The following ACKR3 variants were observed in gnomAD, a reference collection of about 807,000 sequenced individuals.
ACKR3 encodes the protein atypical chemokine receptor 3.
Under a neutral mutation model 22.4 loss-of-function variants are expected in ACKR3, and 6 were observed. The observed-to-expected ratio is 0.27, with a 90% confidence interval of 0.15 to 0.53. The LOEUF is 0.53. Among genes scored for constraint, ACKR3 ranks in the 20% least tolerant of loss-of-function variants. The pLI, the probability that ACKR3 is intolerant of heterozygous loss-of-function variation, is 0.96. For synonymous variants in ACKR3, 209 were observed against 205.2 expected (o/e 1.02, Z -0.16); for missense variants, 396 against 475.2 (o/e 0.83, Z 1.55).
At chr2:236,554,780 T>A in the ACKR3 span, among the ~76,000 whole-genome samples, 1 of 152,228 alleles carries the variant, frequency 6.6e-6, no homozygotes, top group African/African-American at 2.4e-5. Context: ...AACAAAACCC[T>A]TCCTCCTGCT....
the ACKR3 span, among the ~76,000 whole-genome samples, chr2:236,559,481 C>A: frequency 0.12 from 18,260 of 152,164 alleles, 2,779 homozygotes; most frequent in African/African-American, 0.35. Context: ...GGTACATAGC[C>A]TTTCTTCCAT....
Position 236,581,758 on chromosome 2 carries a change from C to G in ACKR3, c.*204C>G. The G allele has an allele frequency of 1.6e-6, 1 of 642,456 alleles. No individual in the cohort carries two copies. The highest frequency in any genetic ancestry group is 2.6e-6 in the Non-Finnish European group (1 of 382,908). The allele number at this position is 642,456 out of a possible 1,614,324, so 39.8% of individuals were successfully genotyped here. ...GCTGTGCGTGCTGACAGTTTTGCAACAGGCAGAGCTGTGTCGCACAGCAGT... is the reference window on the plus strand; with the variant it reads ...GCTGTGCGTGCTGACAGTTTTGCAAGAGGCAGAGCTGTGTCGCACAGCAGT... On this transcript the variant is annotated 3_prime_UTR_variant, in exon 2 of 2. Coordinates refer to ENST00000272928, the MANE Select transcript of ACKR3 (RefSeq NM_020311.3). This position sits in a 1 kb window ranked among gnomAD's most constrained non-coding sequence, Gnocchi z 4.4.
At chr2:236,571,083 G>C (rs1189690911) in intron 1 of ACKR3, among the ~76,000 whole-genome samples, 2 of 152,162 alleles carry the variant, frequency 1.3e-5, no homozygotes, top group African/African-American at 4.8e-5. Flanking sequence ...CATCAGCTAG[G>C]CACGCCTAGC....
At chr2:236,563,966 C>G (rs1423267724), upstream of ACKR3, among the ~76,000 whole-genome samples, 1 of 152,216 alleles carries the variant, frequency 6.6e-6, no homozygotes, top group African/African-American at 2.4e-5. Context: ...GCCCCTGTGA[C>G]AGCAGCTGGG....
rs1463692201 is a variant in ACKR3, at chr2:236,579,071, A to C, written c.-26-1369A>C. 2.0e-5 allele frequency among the ~76,000 whole-genome samples: 3 copies of C among 152,136 alleles called. No homozygotes were observed. In the East Asian group the frequency reaches 5.8e-4, roughly 29 times the overall value. On this transcript the variant is annotated intron_variant, in intron 1 of 1. Transcript: ENST00000272928. ...ATGCAGACAGATTAACTCTCAAGGT[A>C]AATGCTAATGAATAGAGGAGCCAGA...
At chr2:236,555,820 GAAAA>G in the ACKR3 span, among the ~76,000 whole-genome samples, 169 of 134,000 alleles carry the variant, frequency 1.3e-3, 1 homozygote, top group African/African-American at 3.1e-3. Context: ...TACCTTAAAG[GAAAA>G]AAAAAAAAAA....
the ACKR3 span, among the ~76,000 whole-genome samples, chr2:236,558,929 T>C: frequency 6.6e-6 from 1 of 152,270 alleles, no homozygotes; most frequent in Admixed American, 6.5e-5. Flanking sequence ...ATATTTATTC[T>C]TTAATTCCCT....
intron 1 of ACKR3, among the ~76,000 whole-genome samples, chr2:236,579,252 C>T (rs114957740): frequency 0.027 from 4,091 of 152,264 alleles, 177 homozygotes; most frequent in African/African-American, 0.093. Flanking sequence ...TTTAAATGAA[C>T]TCGGTAAATA....
upstream of ACKR3, among the ~76,000 whole-genome samples, chr2:236,568,547 C>A (rs1313067378): frequency 1.3e-5 from 2 of 152,210 alleles, no homozygotes; most frequent in Non-Finnish European, 2.9e-5. Context: ...ACGCTGCGCT[C>A]GGGCTGGGAA....
chr2:236,539,912 C>T, the ACKR3 span, among the ~76,000 whole-genome samples: 1 of 152,108 alleles, frequency 6.6e-6, no homozygotes, highest in South Asian at 2.1e-4. Context: ...ATTTATAAAA[C>T]CATCAGATCT....
the ACKR3 span, among the ~76,000 whole-genome samples, chr2:236,537,960 G>C: frequency 1.3e-5 from 2 of 152,078 alleles, no homozygotes; most frequent in Non-Finnish European, 2.9e-5. Flanking sequence ...TGCTAGGCTA[G>C]AAAAATAAAA....
the ACKR3 span, among the ~76,000 whole-genome samples, chr2:236,558,954 T>A: frequency 6.6e-6 from 1 of 152,254 alleles, no homozygotes; most frequent in Non-Finnish European, 1.5e-5. Flanking sequence ...GACTTAGATA[T>A]TTTTAAGCTG....
At chr2:236,544,835 G>C in the ACKR3 span, among the ~76,000 whole-genome samples, 1 of 152,200 alleles carries the variant, frequency 6.6e-6, no homozygotes, top group Non-Finnish European at 1.5e-5. The surrounding 1 kb of genome is among the most constrained non-coding windows in gnomAD (Gnocchi z 5.0). Flanking sequence ...GTAGAGACAC[G>C]GAGTGCAGGC....
At chr2:236,561,063 A>G in the ACKR3 span, among the ~76,000 whole-genome samples, 1 of 152,246 alleles carries the variant, frequency 6.6e-6, no homozygotes, top group African/African-American at 2.4e-5. Flanking sequence ...AGAAAGACAA[A>G]TACTCCATGA....
the ACKR3 span, among the ~76,000 whole-genome samples, chr2:236,538,992 C>T: frequency 6.6e-6 from 1 of 152,176 alleles, no homozygotes; most frequent in African/African-American, 2.4e-5. Context: ...CTCTCAGGTT[C>T]TAGGACTTCA....
chr2:236,553,520 G>A, the ACKR3 span, among the ~76,000 whole-genome samples: 1 of 152,240 alleles, frequency 6.6e-6, no homozygotes, highest in Non-Finnish European at 1.5e-5. Flanking sequence ...AGGCTGAGCT[G>A]GAAAATGACC....
the ACKR3 span, among the ~76,000 whole-genome samples, chr2:236,543,644 A>G: frequency 3.9e-5 from 6 of 152,054 alleles, no homozygotes; most frequent in African/African-American, 1.4e-4. Context: ...GAAGGCATGG[A>G]CCGGCAGGGA....
the ACKR3 span, among the ~76,000 whole-genome samples, chr2:236,553,801 A>G: frequency 6.6e-6 from 1 of 152,264 alleles, no homozygotes; most frequent in Non-Finnish European, 1.5e-5. Context: ...CTGCTGCAGT[A>G]AAGGGAGTGG....
the ACKR3 span, among the ~76,000 whole-genome samples, chr2:236,549,573 TAACTA>T: frequency 6.6e-6 from 1 of 152,204 alleles, no homozygotes; most frequent in African/African-American, 2.4e-5. This position sits in a 1 kb window ranked among gnomAD's most constrained non-coding sequence, Gnocchi z 5.3. Flanking sequence ...ATTTAATTCT[TAACTA>T]AATAATAGTG....
Sources: allele counts gnomAD v4.1 joint callset (sites outside exome capture counted in the v4.1 genomes callset), GRCh38; gene constraint gnomAD v4.1.1; non-coding constraint Gnocchi (gnomAD v3.1); transcripts MANE v1.5; gene names NCBI Gene and HGNC (gene_info 2026-07-23, HGNC 2026-07-21).